USP53: variants seen among roughly 807,000 people sequenced by gnomAD.
USP53 encodes the protein ubiquitin specific peptidase 53, also known as ubiquitin carboxyl-terminal hydrolase 53.
In USP53, 71 loss-of-function variants were observed where a neutral mutation model predicts 94.9. That is an observed-to-expected ratio of 0.75 (90% CI 0.62 to 0.91). The LOEUF is 0.91. Among genes scored for constraint, USP53 ranks in the 40% least tolerant of loss-of-function variants. The pLI is 0.00. For synonymous variants in USP53, 375 were observed against 422.7 expected (o/e 0.89, Z 1.39); for missense variants, 1,173 against 1,281.0 (o/e 0.92, Z 1.29).
Position 119,256,446 on chromosome 4 carries a change from G to A in USP53, c.492G>A (p.Val164=). Residue 164 remains valine, a synonymous_variant, in exon 9 of 19, where the codon GTG becomes GTA. Coordinates refer to ENST00000692078, the MANE Select transcript of USP53 (RefSeq NM_001371395.1). ...KFAMTLYEQC[V]CRSCGASSDP... The stretch of plus-strand genomic sequence containing the variant: ...ATATGTTTTTACCTATATAGTGTGT[G>A]TGTCGTAGCTGTGGAGCATCGTCAG... 1.2e-6 allele frequency: 2 copies of A among 1,614,052 alleles called. No homozygotes were observed. Among genetic ancestry groups the A allele is most frequent in the South Asian group, 1.1e-5 (1 of 91,082 alleles).
chr4:119,273,611 A>G (rs371303350), intron 16 of USP53, 21 bp from the exon 17 acceptor site: 2 of 1,594,494 alleles, frequency 1.3e-6, no homozygotes, highest in Non-Finnish European at 1.7e-6. Context: ...TGATGTGTTT[A>G]GTGTGTATTT....
chr4:119,239,081 A>G (rs549453037), intron 4 of USP53, 137 bp from the exon 5 acceptor site: 2 of 152,316 alleles, frequency 1.3e-5, no homozygotes, highest in Non-Finnish European at 2.9e-5. Flanking sequence ...TTAAAAATTT[A>G]TATTAGAATG....
chr4:119,270,957 G>A (rs1751777309), intron 15 of USP53, among the ~76,000 whole-genome samples: 1 of 152,016 alleles, frequency 6.6e-6, no homozygotes, highest in African/African-American at 2.4e-5. Context: ...AGCAACAATT[G>A]GTTTAACAAA....
chr4:119,254,089 C>T (rs537975578), intron 7 of USP53, among the ~76,000 whole-genome samples: 6 of 152,274 alleles, frequency 3.9e-5, no homozygotes, highest in East Asian at 1.9e-4. Flanking sequence ...AGAAATCCAC[C>T]GTTAGTCTGA....
rs1436046798 is a variant in USP53 at position 119,271,473 on chromosome 4, A to G, written c.1613A>G (p.Gln538Arg). The G allele has an allele frequency of 6.2e-7, 1 of 1,613,718 alleles. No individual in the cohort carries two copies. ...CAAATAATAAGTTCAAGTAAATCCC[A>G]GATTCTTGCTCCAGGAGAGAAAATA... ...SAQIISSSKS[Q>R]ILAPGEKITG... is the part of the protein sequence containing the mutation. Residue 538 changes from glutamine to arginine, a missense_variant, in exon 16 of 19, where the codon CAG becomes CGG. Transcript: ENST00000692078.
chr4:119,230,725 A>C (rs1745950259), intron 3 of USP53, among the ~76,000 whole-genome samples: 1 of 152,198 alleles, frequency 6.6e-6, no homozygotes, highest in Non-Finnish European at 1.5e-5. Flanking sequence ...TTACAAATCG[A>C]GAGAGAAGAG....
intron 17 of USP53, among the ~76,000 whole-genome samples, chr4:119,288,782 T>TA (rs1754391585): frequency 6.6e-6 from 1 of 151,642 alleles, no homozygotes; most frequent in African/African-American, 2.4e-5. Flanking sequence ...ACTAAAAATA[T>TA]AAAAAATTAG....
At chr4:119,268,885 C>T (rs1480215470) in intron 14 of USP53, among the ~76,000 whole-genome samples, 2 of 152,192 alleles carry the variant, frequency 1.3e-5, no homozygotes, top group Non-Finnish European at 2.9e-5. Context: ...TTTTTACAAG[C>T]CAGGTTCTGT....
chr4:119,261,637 A>G, intron 11 of USP53, 78 bp from the exon 12 acceptor site: 2 of 1,213,896 alleles, frequency 1.6e-6, no homozygotes, highest in Non-Finnish European at 2.3e-6. Flanking sequence ...TTATGTGTCA[A>G]AGACATGATT....
At chr4:119,243,488 A>T (rs1553966854) in intron 5 of USP53, among the ~76,000 whole-genome samples, 1 of 152,104 alleles carries the variant, frequency 6.6e-6, no homozygotes, top group Non-Finnish European at 1.5e-5. Context: ...ACAAAGCAAG[A>T]CTCCATCTAA....
chr4:119,212,850 C>T lies in USP53; in HGVS notation c.-965C>T. The T allele has an allele frequency of 4.6e-6, 1 of 219,322 alleles. No homozygotes were observed. Among genetic ancestry groups the T allele is most frequent in the Non-Finnish European group, 9.7e-6 (1 of 103,490 alleles). The allele number at this position is 219,322 out of a possible 1,614,324, so 13.6% of individuals were successfully genotyped here. A position where few individuals can be genotyped will look rare whatever the true frequency, so the allele number is the denominator to read the frequency against. ...TTCTCTACCTGGACCGCACGCTCCT[C>T]GCGCAAGGAGGGTAGAGCTCAAGGT... is the stretch of plus-strand genomic sequence containing the variant. On this transcript the variant is annotated 5_prime_UTR_variant, in exon 1 of 19. Coordinates refer to ENST00000692078, the MANE Select transcript of USP53 (RefSeq NM_001371395.1).
chr4:119,252,454 A>G (rs1749152220), intron 7 of USP53, among the ~76,000 whole-genome samples: 1 of 152,148 alleles, frequency 6.6e-6, no homozygotes, highest in African/African-American at 2.4e-5. Flanking sequence ...TTTCTGGTTT[A>G]GTCTTGGGAG....
rs753849441 is a variant in USP53, at chr4:119,248,739, G to A, written c.238-9G>A. 4.9e-5 allele frequency: 79 copies of A among 1,606,022 alleles called. No homozygotes were observed. The highest frequency in any genetic ancestry group is 6.0e-5 in the Non-Finnish European group (71 of 1,176,534). On this transcript the variant is annotated splice_polypyrimidine_tract_variant and intron_variant, in intron 6 of 18. Coordinates refer to ENST00000692078, the MANE Select transcript of USP53 (RefSeq NM_001371395.1). Reference sequence around the variant, plus strand: ...CATTAAACTTACTGATTTTCTTGTCGATTCCCAGACGATATTTGCACAGTT... The same window carrying A: ...CATTAAACTTACTGATTTTCTTGTCAATTCCCAGACGATATTTGCACAGTT...
rs1296302236 is a variant in USP53, at chr4:119,260,570, A to G, written c.739A>G (p.Ile247Val). 5 of 1,613,926 alleles carry G rather than the reference A, an allele frequency of 3.1e-6. No individual in the cohort carries two copies. The South Asian group carries it at 3.3e-5, about 11-fold the overall frequency. ...AATGAATTGCCCAGAGATTGTTACA[A>G]TTGGTTTAGTCTGGGACTCCGAGCA... ...VLMNCPEIVT[I>V]GLVWDSEHSD... The change falls in exon 11 of 19, where the codon ATT (isoleucine) becomes GTT (valine). Residue 247 changes from isoleucine to valine, a missense_variant. Physicochemically the swap from Ile to Val is conservative, Grantham distance 29 (BLOSUM62 3). Coordinates refer to ENST00000692078, the MANE Select transcript of USP53 (RefSeq NM_001371395.1).
intron 17 of USP53, among the ~76,000 whole-genome samples, chr4:119,289,319 T>C (rs1754475697): frequency 6.6e-6 from 1 of 152,240 alleles, no homozygotes; most frequent in Admixed American, 6.5e-5. Context: ...TACAGTTTAG[T>C]GTTACTGCCT....
At chr4:119,249,660 ATTTTTTTTTTT>A (rs142005756) in intron 7 of USP53, among the ~76,000 whole-genome samples, 3 of 99,720 alleles carry the variant, frequency 3.0e-5, no homozygotes, top group African/African-American at 4.0e-5. Context: ...TTTATGTCCT[ATTTTTTTTTTT>A]TTTTTTTTTT....
At chr4:119,288,555 C>T (rs1044155100) in intron 17 of USP53, among the ~76,000 whole-genome samples, 1 of 152,182 alleles carries the variant, frequency 6.6e-6, no homozygotes, top group Non-Finnish European at 1.5e-5. Flanking sequence ...TCCTCCATTA[C>T]ATTAAAATAC....
intron 15 of USP53, 28 bp from the exon 16 acceptor site, chr4:119,271,268 A>G: frequency 2.6e-6 from 4 of 1,525,636 alleles, no homozygotes; most frequent in Non-Finnish European, 3.5e-6. Flanking sequence ...GGAGTAATTC[A>G]TGTGTATCTT....
At position 119,214,177 on chromosome 4, in the gene USP53, G is replaced by A. The variant is rs1188032849; in HGVS notation, c.-834G>A. The A allele has an allele frequency of 6.7e-6, 1 of 149,158 alleles. No individual in the cohort carries two copies. The highest frequency in any genetic ancestry group is 2.5e-5 in the African/African-American group (1 of 40,550). 9.2% of individuals were successfully genotyped at this position (149,158 alleles called of 1,614,324 possible). On this transcript the variant is annotated 5_prime_UTR_variant, in exon 2 of 19. It removes an upstream start codon present in the reference 5' UTR. Coordinates refer to ENST00000692078, the MANE Select transcript of USP53 (RefSeq NM_001371395.1). ...AACTTACTCTGCAAAAGTAATATAT[G>A]ATTTACCTGCTGTTGTCATAAGAAT...
Sources: gnomAD v4.1 joint callset for allele counts (sites outside exome capture counted in the v4.1 genomes callset) on GRCh38, gnomAD v4.1.1 for gene constraint, MANE v1.5 for transcripts, NCBI Gene and HGNC (gene_info 2026-07-23, HGNC 2026-07-21) for gene names.